GRM7: variants seen among roughly 807,000 people sequenced by gnomAD.
GRM7 encodes the protein metabotropic glutamate receptor 7.
GRM7 carries 35 observed loss-of-function variants against 84.5 expected under a neutral mutation model. That is an observed-to-expected ratio of 0.41 (90% CI 0.32 to 0.55). The LOEUF (loss-of-function observed/expected upper bound fraction) is 0.55. Among genes scored for constraint, GRM7 ranks in the 20% least tolerant of loss-of-function variants. The pLI, the probability that GRM7 is intolerant of heterozygous loss-of-function variation, is 0.19. For missense variants in GRM7, 1,003 were observed against 1,194.6 expected (o/e 0.84, Z 2.36); for synonymous variants, 487 against 455.1 (o/e 1.07, Z -0.89).
At chr3:7,339,705 A>C (rs1427035480) in intron 4 of GRM7, among the ~76,000 whole-genome samples, 1 of 152,026 alleles carries the variant, frequency 6.6e-6, no homozygotes, top group African/African-American at 2.4e-5. Flanking sequence ...GAACAAAGTC[A>C]ATCATATCTA....
chr3:7,375,408 T>TG lies in GRM7; in HGVS notation c.1034-39611dup, dbSNP rs983687904. Among the ~76,000 whole-genome samples, 168 of 151,984 alleles carry TG rather than the reference T, an allele frequency of 1.1e-3. 1 individual carries two copies. Among genetic ancestry groups the TG allele is most frequent in the Non-Finnish European group, 1.7e-3 (116 of 67,946 alleles). On this transcript the variant is annotated intron_variant, in intron 4 of 9. Coordinates refer to ENST00000357716, the MANE Select transcript of GRM7 (RefSeq NM_000844.4). ...TAATTTTTGTATTTTTTAGTAGAGA[T>TG]GGGGTTTTACCATATTGGCCAGGCT...
intron 7 of GRM7, among the ~76,000 whole-genome samples, chr3:7,491,422 A>C (rs970174322): frequency 1.3e-5 from 2 of 151,924 alleles, no homozygotes; most frequent in African/African-American, 2.4e-5. Flanking sequence ...GTATATATAT[A>C]TATATATATA....
At chr3:7,530,335 G>A (rs1324803806) in intron 7 of GRM7, among the ~76,000 whole-genome samples, 2 of 152,068 alleles carry the variant, frequency 1.3e-5, no homozygotes, top group Non-Finnish European at 2.9e-5. Context: ...TCTTTATCCA[G>A]TCTATCATTA....
At chr3:7,103,479 A>G (rs1476279548) in intron 1 of GRM7, among the ~76,000 whole-genome samples, 1 of 151,808 alleles carries the variant, frequency 6.6e-6, no homozygotes, top group Non-Finnish European at 1.5e-5. Context: ...TAGGTTAGGA[A>G]TCAGCCAGGA....
chr3:7,025,946 A>G (rs1483215383), intron 1 of GRM7, among the ~76,000 whole-genome samples: 5 of 152,152 alleles, frequency 3.3e-5, no homozygotes, highest in African/African-American at 4.8e-5. Context: ...CATGACACCT[A>G]CCCTGCAAAG....
At chr3:7,002,312 C>A (rs1695040124) in intron 1 of GRM7, among the ~76,000 whole-genome samples, 1 of 152,054 alleles carries the variant, frequency 6.6e-6, no homozygotes, top group South Asian at 2.1e-4. Flanking sequence ...ACTTGGGTTC[C>A]TCTACTAAAA....
intron 2 of GRM7, among the ~76,000 whole-genome samples, chr3:7,163,770 C>T (rs1324934690): frequency 1.3e-5 from 2 of 152,128 alleles, no homozygotes; most frequent in Non-Finnish European, 2.9e-5. Context: ...GTTCCAAGAC[C>T]TTGATGTAAG....
intron 1 of GRM7, among the ~76,000 whole-genome samples, chr3:7,104,233 T>C (rs1263797579): frequency 2.0e-5 from 3 of 151,634 alleles, no homozygotes; most frequent in Admixed American, 6.6e-5. Context: ...CCTTTTTTTT[T>C]CTTTTCTTTT....
intron 4 of GRM7, among the ~76,000 whole-genome samples, chr3:7,342,522 A>G (rs1229167993): frequency 6.6e-6 from 1 of 152,166 alleles, no homozygotes; most frequent in East Asian, 1.9e-4. Context: ...CTTATTTTTT[A>G]TCTCCAGAGT....
intron 1 of GRM7, among the ~76,000 whole-genome samples, chr3:7,115,242 T>G (rs1692991319): frequency 6.6e-6 from 1 of 152,158 alleles, no homozygotes; most frequent in Non-Finnish European, 1.5e-5. Context: ...AAGTACAAAC[T>G]TTAGGACAAT....
intron 1 of GRM7, among the ~76,000 whole-genome samples, chr3:7,104,401 T>G (rs1274570682): frequency 6.6e-6 from 1 of 151,660 alleles, no homozygotes; most frequent in Non-Finnish European, 1.5e-5. Context: ...AGCCACCAAT[T>G]TTAAGGTATT....
intron 2 of GRM7, among the ~76,000 whole-genome samples, chr3:7,294,838 A>G (rs1699760264): frequency 6.6e-6 from 1 of 152,228 alleles, no homozygotes; most frequent in South Asian, 2.1e-4. Context: ...CTCTTCTGTA[A>G]GTGAATTCAG....
At chr3:7,267,965 A>G (rs1214407686) in intron 2 of GRM7, among the ~76,000 whole-genome samples, 3 of 152,066 alleles carry the variant, frequency 2.0e-5, no homozygotes, top group Admixed American at 6.6e-5. Flanking sequence ...AGGCCCAGTT[A>G]GTGCCGTTAG....
At chr3:7,307,197 C>T (rs930144107) in intron 4 of GRM7, among the ~76,000 whole-genome samples, 9 of 152,262 alleles carry the variant, frequency 5.9e-5, no homozygotes, top group African/African-American at 2.2e-4. Context: ...AAACTTATGC[C>T]TCTTTCTTTG....
At chr3:7,525,644 T>C (rs1700775739) in intron 7 of GRM7, among the ~76,000 whole-genome samples, 1 of 152,112 alleles carries the variant, frequency 6.6e-6, no homozygotes. Flanking sequence ...TTTCTATTGA[T>C]TTCATCACCC....
intron 7 of GRM7, among the ~76,000 whole-genome samples, chr3:7,541,842 C>A (rs2125015966): frequency 6.6e-6 from 1 of 152,254 alleles, no homozygotes; most frequent in Non-Finnish European, 1.5e-5. Flanking sequence ...AAAGCATATA[C>A]ATGTATTATT....
intron 1 of GRM7, among the ~76,000 whole-genome samples, chr3:7,112,629 G>A (rs1692898528): frequency 6.6e-6 from 1 of 152,114 alleles, no homozygotes; most frequent in Non-Finnish European, 1.5e-5. Context: ...CCTGGTGTGT[G>A]GCAGCCCCCA....
chr3:7,242,310 G>A (rs1697590453), intron 2 of GRM7, among the ~76,000 whole-genome samples: 2 of 152,144 alleles, frequency 1.3e-5, no homozygotes, highest in African/African-American at 4.8e-5. Context: ...GATTGTGGTT[G>A]AGTGTAATGT....
intron 1 of GRM7, among the ~76,000 whole-genome samples, chr3:6,901,859 T>C (rs536570972): frequency 2.3e-4 from 35 of 152,016 alleles, no homozygotes; most frequent in Non-Finnish European, 4.6e-4. Context: ...TGTATTTTTC[T>C]AAGCATCATA....
Sources: allele counts gnomAD v4.1 joint callset (sites outside exome capture counted in the v4.1 genomes callset), GRCh38; gene constraint gnomAD v4.1.1; transcripts MANE v1.5; gene names NCBI Gene and HGNC (gene_info 2026-07-23, HGNC 2026-07-21).